Variants in EFCAB5 observed in about 807,000 individuals in gnomAD.
EFCAB5 encodes the protein EF-hand calcium-binding domain-containing protein 5.
In EFCAB5, 131 loss-of-function variants were observed where a neutral mutation model predicts 167.9. The ratio of observed to expected loss-of-function variants is 0.78; its 90% confidence interval spans 0.68 to 0.90. EFCAB5 has a LOEUF of 0.90. Among genes scored for constraint, EFCAB5 ranks in the 40% least tolerant of loss-of-function variants. The probability of loss-of-function intolerance (pLI) is 0.00; values close to 1 mark genes in which losing one functional copy is unlikely to be tolerated. For synonymous variants in EFCAB5, 574 were observed against 602.8 expected (o/e 0.95, Z 0.70); for missense variants, 1,663 against 1,745.2 (o/e 0.95, Z 0.84).
chr17:29,989,371 T>C (rs2068361534), intron 4 of EFCAB5, among the ~76,000 whole-genome samples: 1 of 152,252 alleles, frequency 6.6e-6, no homozygotes, highest in South Asian at 2.1e-4. Context: ...TAGGTTCAAT[T>C]GCTTGACCTA....
At chr17:30,055,514 C>T (rs1244248037) in intron 10 of EFCAB5, among the ~76,000 whole-genome samples, 1 of 152,158 alleles carries the variant, frequency 6.6e-6, no homozygotes, top group African/African-American at 2.4e-5. Flanking sequence ...CTTTTTCTGT[C>T]ACACCTCAAA....
At chr17:30,069,576 T>C (rs1489802557) in intron 14 of EFCAB5, 4 of 1,613,174 alleles carry the variant, frequency 2.5e-6, no homozygotes, top group Non-Finnish European at 3.4e-6. Context: ...GTATGGATCC[T>C]CTTCTTCCTC....
In EFCAB5 at chr17:30,026,242, A is replaced by T. The variant is rs534928255; in HGVS notation, c.1045-7988A>T. Among the ~76,000 whole-genome samples, 20 of 152,238 alleles carry T rather than the reference A, an allele frequency of 1.3e-4. No homozygotes were observed. The South Asian group carries it at 3.5e-3, about 27-fold the overall frequency. Reference sequence around the variant, plus strand: ...GATCCCCAAAAGACAACTCATTCCAAGAGACAAAACTTAACAATTTGTATC... The same window carrying T: ...GATCCCCAAAAGACAACTCATTCCATGAGACAAAACTTAACAATTTGTATC... On this transcript the variant is annotated intron_variant, in intron 7 of 22. Coordinates refer to ENST00000394835, the MANE Select transcript of EFCAB5 (RefSeq NM_198529.4).
chr17:29,968,872 T>A lies in EFCAB5; in HGVS notation c.272T>A (p.Ile91Asn). The change falls in exon 4 of 23, where the codon ATT (isoleucine) becomes AAT (asparagine). Residue 91 changes from isoleucine to asparagine, a missense_variant. Transcript: ENST00000394835. Reference protein sequence around the residue: ...SKTEASGNIAIRKSAKVIFAL... With the variant: ...SKTEASGNIANRKSAKVIFAL... ...ACTGAAGCCTCAGGTAATATTGCAATTAGAAAATCTGCAAAAGTGATTTTT... is the reference window on the plus strand; with the variant it reads ...ACTGAAGCCTCAGGTAATATTGCAAATAGAAAATCTGCAAAAGTGATTTTT... 1.3e-6 allele frequency: 2 copies of A among 1,561,652 alleles called. No individual in the cohort carries two copies. Among genetic ancestry groups the A allele is most frequent in the Non-Finnish European group, 1.7e-6 (2 of 1,152,310 alleles).
At chr17:29,971,213 A>G (rs2067948830) in intron 4 of EFCAB5, among the ~76,000 whole-genome samples, 1 of 152,176 alleles carries the variant, frequency 6.6e-6, no homozygotes, top group Admixed American at 6.5e-5. Context: ...TAGTCTGAAG[A>G]CATGAAAGCT....
chr17:29,964,515 G>A (rs760759580), intron 3 of EFCAB5, among the ~76,000 whole-genome samples: 6 of 152,028 alleles, frequency 3.9e-5, no homozygotes, highest in East Asian at 1.9e-4. Context: ...AGCTGGTCTC[G>A]AACTCCTGAC....
At chr17:30,034,581 A>G (rs566011645) in intron 8 of EFCAB5, among the ~76,000 whole-genome samples, 196 bp downstream of exon 8, 1 of 152,314 alleles carries the variant, frequency 6.6e-6, no homozygotes, top group East Asian at 1.9e-4. Context: ...TATGAACCTT[A>G]TATTTATTTG....
intron 7 of EFCAB5, among the ~76,000 whole-genome samples, chr17:30,029,321 C>T (rs912483358): frequency 1.3e-5 from 2 of 152,124 alleles, no homozygotes; most frequent in African/African-American, 2.4e-5. Context: ...CTTAAATGTG[C>T]TCAGAACACT....
chr17:30,045,280 A>G (rs1340906665), intron 8 of EFCAB5, among the ~76,000 whole-genome samples: 1 of 151,700 alleles, frequency 6.6e-6, no homozygotes. Flanking sequence ...AACATGGCAA[A>G]CACCCTTCTC....
chr17:30,008,023 T>G (rs370212402), intron 7 of EFCAB5, among the ~76,000 whole-genome samples: 1 of 150,950 alleles, frequency 6.6e-6, no homozygotes, highest in Admixed American at 6.6e-5. Context: ...GATAAAGCAG[T>G]ATGTTTTCCT....
intron 3 of EFCAB5, among the ~76,000 whole-genome samples, chr17:29,965,857 T>C (rs1466261395): frequency 6.6e-6 from 1 of 152,224 alleles, no homozygotes; most frequent in African/African-American, 2.4e-5. Flanking sequence ...TCTGACACAT[T>C]TCTGTTTAGT....
chr17:29,999,729 A>G (rs767133273), intron 6 of EFCAB5, among the ~76,000 whole-genome samples, 177 bp from the exon 7 acceptor site: 1 of 152,116 alleles, frequency 6.6e-6, no homozygotes, highest in Non-Finnish European at 1.5e-5. Context: ...AGCCAGGAAA[A>G]GTAATAATTT....
chr17:30,049,905 C>T (rs970688405), intron 8 of EFCAB5, among the ~76,000 whole-genome samples: 1 of 151,930 alleles, frequency 6.6e-6, no homozygotes, highest in African/African-American at 2.4e-5. Flanking sequence ...ACACAGGAGA[C>T]GTGTATAAGG....
rs1293857045 is a variant in EFCAB5 at position 30,107,825 on chromosome 17, C to G, written c.4322-9C>G. 11 of 1,507,454 alleles carry G rather than the reference C, an allele frequency of 7.3e-6. No individual in the cohort carries two copies. The African/African-American group carries it at 1.5e-4, about 20-fold the overall frequency. The allele number at this position is 1,507,454 out of a possible 1,614,324, so 93.4% of individuals were successfully genotyped here. A position where few individuals can be genotyped will look rare whatever the true frequency, so the allele number is the denominator to read the frequency against. On this transcript the variant is annotated splice_polypyrimidine_tract_variant and intron_variant, in intron 22 of 22. Coordinates refer to ENST00000394835, the MANE Select transcript of EFCAB5 (RefSeq NM_198529.4). ...CCACTCTTACTTTTCTTTTTTTTTC[C>G]TGATGCAGATCATTCCCGAACTGAA...
chr17:30,044,372 G>C (rs781090219), intron 8 of EFCAB5, among the ~76,000 whole-genome samples: 1 of 152,194 alleles, frequency 6.6e-6, no homozygotes, highest in Non-Finnish European at 1.5e-5. Flanking sequence ...CAGGCTGGGA[G>C]TTCAAGACCA....
chr17:29,969,050 A>G lies in EFCAB5; in HGVS notation c.450A>G (p.Lys150=). 6.2e-7 allele frequency: 1 copy of G among 1,601,824 alleles called. No homozygotes were observed. The highest frequency in any genetic ancestry group is 8.5e-7 in the Non-Finnish European group (1 of 1,175,580). Residue 150 remains lysine (K), a synonymous_variant, in exon 4 of 23, where the codon AAA becomes AAG. Coordinates refer to ENST00000394835, the MANE Select transcript of EFCAB5 (RefSeq NM_198529.4). The part of the protein sequence containing the change: ...KKELEKKAEK[K]LPRDNLAKEW... ...AACTAGAAAAAAAGGCTGAAAAAAA[A>G]CTCCCTAGGGATAATTTGGCCAAAG... is the stretch of plus-strand genomic sequence containing the variant.
intron 4 of EFCAB5, among the ~76,000 whole-genome samples, chr17:29,988,894 A>T (rs537991490): frequency 5.3e-5 from 8 of 152,304 alleles, no homozygotes; most frequent in African/African-American, 1.9e-4. Flanking sequence ...GTTGAAAAAA[A>T]TTAGCAAATC....
chr17:30,094,357 A>AT (rs869302886), intron 22 of EFCAB5, among the ~76,000 whole-genome samples: 1 of 152,152 alleles, frequency 6.6e-6, no homozygotes, highest in Admixed American at 6.5e-5. Context: ...TATAATAATA[A>AT]TTTTTTTAAA....
chr17:30,014,986 C>G (rs2068997927), intron 7 of EFCAB5, among the ~76,000 whole-genome samples: 1 of 152,176 alleles, frequency 6.6e-6, no homozygotes, highest in Admixed American at 6.5e-5. Flanking sequence ...TCTTGTAAGG[C>G]AGGCCTGGTG....
Sources: allele counts gnomAD v4.1 joint callset (sites outside exome capture counted in the v4.1 genomes callset), GRCh38; gene constraint gnomAD v4.1.1; transcripts MANE v1.5; gene names NCBI Gene and HGNC (gene_info 2026-07-23, HGNC 2026-07-21).